CNTRL: variants seen among roughly 807,000 people sequenced by gnomAD.
CNTRL encodes the protein centriolin.
A neutral mutation model predicts 303.7 loss-of-function variants in CNTRL; 233 were observed. The observed-to-expected ratio is 0.77, with a 90% CI of 0.69 to 0.86. CNTRL has a LOEUF of 0.86. CNTRL is among the 40% of genes least tolerant of loss of function. CNTRL has a pLI of 0.00. For synonymous variants in CNTRL, 900 were observed against 922.2 expected (o/e 0.98, Z 0.44); for missense variants, 2,524 against 2,650.6 (o/e 0.95, Z 1.05).
At chr9:121,087,927 G>A (rs1404759458) in intron 2 of CNTRL, among the ~76,000 whole-genome samples, 1 of 152,198 alleles carries the variant, frequency 6.6e-6, no homozygotes, top group Non-Finnish European at 1.5e-5. Flanking sequence ...GAAACTTTGA[G>A]GAAGGAGAGA....
At chr9:121,119,876 T>C (rs1163924325) in intron 12 of CNTRL, among the ~76,000 whole-genome samples, 3 of 152,108 alleles carry the variant, frequency 2.0e-5, no homozygotes, top group African/African-American at 7.2e-5. Context: ...TTTTTGCAAA[T>C]TTTCCACTGA....
rs768866647 is a variant in CNTRL, at chr9:121,169,762, CA to C, written c.6223del (p.Ser2075AlafsTer2). 6.2e-7 allele frequency: 1 copy of C among 1,614,146 alleles called. No individual in the cohort carries two copies. The highest frequency in any genetic ancestry group is 1.1e-5 in the South Asian group (1 of 91,082). On this transcript the variant is annotated frameshift_variant, in exon 39 of 44. Coordinates refer to ENST00000373855, the MANE Select transcript of CNTRL (RefSeq NM_007018.6). LOFTEE classifies it high-confidence loss of function. ...GAAAGAAAGCTGAGAAGCAGGTGGC[CA>C]GCCTGAAGGAAGCACTTAAGATCCA... ...ERKKAEKQVA[S>X]LKEALKIQRS... is the part of the protein sequence containing the mutation.
At position 121,125,810 on chromosome 9, in the gene CNTRL, T is replaced by G. The variant is rs1490051507; in HGVS notation, c.1899T>G (p.Thr633=). The change falls in exon 14 of 44, where the codon ACT becomes ACG. Residue 633 remains threonine, a synonymous_variant. Transcript: ENST00000373855. ...EYLGTIKGQA[T]QAQNECRKLR... is the part of the protein sequence containing the mutation. ...TGGGGACCATTAAAGGCCAGGCAAC[T>G]CAGGCCCAGAATGAGTGCAGGAAGC... is the stretch of plus-strand genomic sequence containing the variant. 9 of 1,614,078 alleles carry G rather than the reference T, an allele frequency of 5.6e-6. No individual in the cohort carries two copies. The highest frequency in any genetic ancestry group is 7.6e-6 in the Non-Finnish European group (9 of 1,180,020).
chr9:121,143,861 C>T (rs750843414), intron 19 of CNTRL, 42 bp from the exon 20 acceptor site: 8 of 1,490,318 alleles, frequency 5.4e-6, no homozygotes, highest in Middle Eastern at 2.4e-4. Context: ...TTCATTCCTG[C>T]CAAATGATTC....
rs575766049 is a variant in CNTRL, at chr9:121,158,753, A to T, written c.4765-102A>T. The T allele has an allele frequency of 3.0e-4, 335 of 1,114,136 alleles. 1 individual carries two copies. Among genetic ancestry groups the T allele is most frequent in the Non-Finnish European group, 4.3e-4 (326 of 764,182 alleles). 69.0% of individuals were successfully genotyped at this position (1,114,136 alleles called of 1,614,324 possible). Reference sequence around the variant, plus strand: ...GCTTTTCTGACTCTTGGGGGCTAGGATATTAGCTCCTGATTTTACCTCACA... The same window carrying T: ...GCTTTTCTGACTCTTGGGGGCTAGGTTATTAGCTCCTGATTTTACCTCACA... On this transcript the variant is annotated intron_variant, in intron 30 of 43. Coordinates refer to ENST00000373855, the MANE Select transcript of CNTRL (RefSeq NM_007018.6).
intron 14 of CNTRL, among the ~76,000 whole-genome samples, chr9:121,134,887 C>G (rs1207420375): frequency 1.3e-5 from 2 of 152,124 alleles, no homozygotes; most frequent in Non-Finnish European, 2.9e-5. Context: ...TTTTGTTGAA[C>G]TGTCTCTGCC....
intron 14 of CNTRL, among the ~76,000 whole-genome samples, chr9:121,132,217 A>C (rs1262649244): frequency 6.6e-6 from 1 of 152,204 alleles, no homozygotes; most frequent in Admixed American, 6.5e-5. Context: ...TAATATCCTG[A>C]AGAGTGTTTT....
At chr9:121,107,518 T>C (rs868176350) in intron 7 of CNTRL, among the ~76,000 whole-genome samples, 1 of 152,184 alleles carries the variant, frequency 6.6e-6, no homozygotes, top group African/African-American at 2.4e-5. Context: ...ATTGCATGTT[T>C]TTCAAAGGTC....
chr9:121,167,128 G>A (rs2053126910), intron 36 of CNTRL, among the ~76,000 whole-genome samples: 1 of 151,962 alleles, frequency 6.6e-6, no homozygotes, highest in Admixed American at 6.6e-5. Context: ...TGGCCAACAT[G>A]GTGAAACCCC....
intron 19 of CNTRL, 96 bp downstream of exon 19, chr9:121,142,366 C>T: frequency 9.1e-7 from 1 of 1,095,424 alleles, no homozygotes; most frequent in Non-Finnish European, 1.3e-6. Flanking sequence ...GATCTGTAGT[C>T]ACCTCTGGCT....
chr9:121,115,926 A>G (rs1369410431), intron 11 of CNTRL, among the ~76,000 whole-genome samples: 4 of 152,208 alleles, frequency 2.6e-5, no homozygotes, highest in Non-Finnish European at 5.9e-5. Flanking sequence ...AATTGACTCA[A>G]GTTTATTGGA....
intron 8 of CNTRL, among the ~76,000 whole-genome samples, chr9:121,109,277 C>T (rs1401214841): frequency 6.6e-6 from 1 of 152,004 alleles, no homozygotes; most frequent in Non-Finnish European, 1.5e-5. Context: ...TGCAACCATC[C>T]TTTTAAAAAA....
intron 34 of CNTRL, 113 bp from the exon 35 acceptor site, chr9:121,164,830 T>A: frequency 1.4e-6 from 1 of 703,508 alleles, no homozygotes; most frequent in Non-Finnish European, 2.1e-6. Flanking sequence ...TTGTGAAGAT[T>A]TATAATCATT....
chr9:121,097,692 T>G (rs2048949834), intron 6 of CNTRL, among the ~76,000 whole-genome samples: 1 of 152,172 alleles, frequency 6.6e-6, no homozygotes, highest in African/African-American at 2.4e-5. Flanking sequence ...AAATTTGCCA[T>G]AAATATTCCT....
chr9:121,159,050 T>A (rs953381839), intron 31 of CNTRL, 31 bp downstream of exon 31: 6 of 1,599,036 alleles, frequency 3.8e-6, no homozygotes, highest in Non-Finnish European at 2.6e-6. Flanking sequence ...TTCTGAAGAG[T>A]CGTAGGACAG....
At chr9:121,177,075 T>C (rs1220092904) in intron 43 of CNTRL, 88 bp from the exon 44 acceptor site, 2 of 1,036,560 alleles carry the variant, frequency 1.9e-6, no homozygotes, top group African/African-American at 3.2e-5. Context: ...ATATGTCATT[T>C]ACCTATAAGC....
At position 121,135,974 on chromosome 9, in the gene CNTRL, C is replaced by A; in HGVS notation, c.2194C>A (p.Leu732Ile). Residue 732 changes from leucine to isoleucine, a missense_variant, in exon 15 of 44, where the codon CTT becomes ATT. Transcript: ENST00000373855. ...LKEELEKVTR[L>I]TQLEQSALQA... ...GGAAGAGTTGGAAAAAGTAACAAGA[C>A]TTACCCAGGTAAGTAGGAGCATGAA... 1 of 1,604,036 alleles carries A rather than the reference C, an allele frequency of 6.2e-7. No individual in the cohort carries two copies. The highest frequency in any genetic ancestry group is 8.5e-7 in the Non-Finnish European group (1 of 1,172,426).
intron 40 of CNTRL, 30 bp downstream of exon 40, chr9:121,171,578 C>G (rs375921191): frequency 2.5e-6 from 4 of 1,605,926 alleles, no homozygotes; most frequent in African/African-American, 2.7e-5. Context: ...AGCTGGCCAG[C>G]CTGGGGAGAG....
chr9:121,174,175 T>C (rs2053429946), intron 42 of CNTRL, among the ~76,000 whole-genome samples: 1 of 152,158 alleles, frequency 6.6e-6, no homozygotes, highest in African/African-American at 2.4e-5. Flanking sequence ...CAGGGAAGGA[T>C]ATCTGTCTGT....
Sources: allele counts gnomAD v4.1 joint callset (sites outside exome capture counted in the v4.1 genomes callset), GRCh38; gene constraint gnomAD v4.1.1; transcripts MANE v1.5; gene names NCBI Gene and HGNC (gene_info 2026-07-23, HGNC 2026-07-21).